The following CABIN1 variants were observed in gnomAD, a reference collection of about 807,000 sequenced individuals.
CABIN1 encodes the protein calcineurin-binding protein cabin-1.
Under a neutral mutation model 227.7 loss-of-function variants are expected in CABIN1, and 133 were observed. That is an observed-to-expected ratio of 0.58 (90% CI 0.51 to 0.67). The LOEUF is 0.67. CABIN1 is among the 30% of genes least tolerant of loss of function. The probability of loss-of-function intolerance (pLI) is 0.00; values close to 1 mark genes in which losing one functional copy is unlikely to be tolerated. For missense variants in CABIN1, 2,408 were observed against 2,852.5 expected, an observed-to-expected ratio of 0.84 and a Z score of 3.55; for synonymous variants, 1,086 against 1,155.1, an observed-to-expected ratio of 0.94 and a Z score of 1.21.
intron 26 of CABIN1, among the ~76,000 whole-genome samples, chr22:24,099,912 G>C (rs2042106303): frequency 6.6e-6 from 1 of 152,234 alleles, no homozygotes; most frequent in South Asian, 2.1e-4. Flanking sequence ...AAGCAGGAAA[G>C]GAGGGAGGCA....
At chr22:24,130,014 C>T (rs1569258209) in intron 28 of CABIN1, among the ~76,000 whole-genome samples, 1 of 152,226 alleles carries the variant, frequency 6.6e-6, no homozygotes, top group African/African-American at 2.4e-5. Context: ...AGATAGTAGG[C>T]AAGGGAGGAC....
intron 8 of CABIN1, among the ~76,000 whole-genome samples, chr22:24,053,078 CT>C (rs71184943): frequency 0.017 from 2,201 of 131,202 alleles, 8 homozygotes; most frequent in Middle Eastern, 0.031. Context: ...TTTCTTTTTT[CT>C]TTTTTTTTTT....
At chr22:24,072,594 A>G (rs1384739200) in intron 18 of CABIN1, 84 bp downstream of exon 18, 1 of 1,522,850 alleles carries the variant, frequency 6.6e-7, no homozygotes, top group African/African-American at 1.4e-5. Context: ...CCTGGACCTT[A>G]TCCAGACGTT....
Position 24,064,148 on chromosome 22 carries a change from G to T in CABIN1, c.1998G>T (p.Leu666=), listed in dbSNP as rs961379189. The change falls in exon 15 of 37, where the codon CTG becomes CTT. Residue 666 remains leucine, a synonymous_variant. Transcript: ENST00000263119. The part of the protein sequence containing the change: ...GAERRDIVIR[L]PNLHNDSVVS... ...AACGAAGAGACATTGTCATCCGGCTGCCCAACCTCCATAATGACTCTGTGG... is the reference window on the plus strand; with the variant it reads ...AACGAAGAGACATTGTCATCCGGCTTCCCAACCTCCATAATGACTCTGTGG... The T allele has an allele frequency of 9.3e-6, 15 of 1,614,208 alleles. No homozygotes were observed. The highest frequency in any genetic ancestry group is 3.3e-5 in the Admixed American group (2 of 60,020).
chr22:24,101,059 G>T (rs558904017), intron 26 of CABIN1, among the ~76,000 whole-genome samples: 73 of 152,300 alleles, frequency 4.8e-4, no homozygotes, highest in Non-Finnish European at 9.4e-4. Context: ...GTCCTCTGAA[G>T]CAGCAGCTCC....
At chr22:24,076,873 G>A (rs1041033693) in intron 19 of CABIN1, among the ~76,000 whole-genome samples, 22 of 152,136 alleles carry the variant, frequency 1.4e-4, no homozygotes, top group Non-Finnish European at 2.9e-4. Flanking sequence ...AGGCCAAGCA[G>A]CATGCAGACC....
intron 26 of CABIN1, among the ~76,000 whole-genome samples, chr22:24,110,018 A>C (rs1466646391): frequency 4.6e-5 from 7 of 152,178 alleles, no homozygotes. Context: ...AAAAATAAAA[A>C]AGATTAGCTG....
chr22:24,084,240 ATTT>A (rs987224344), intron 20 of CABIN1, among the ~76,000 whole-genome samples: 1 of 140,634 alleles, frequency 7.1e-6, no homozygotes. Flanking sequence ...GGGCATGCAG[ATTT>A]TTTTTTTTTT....
chr22:24,099,106 T>G (rs1392476644), intron 26 of CABIN1, among the ~76,000 whole-genome samples: 1 of 152,170 alleles, frequency 6.6e-6, no homozygotes, highest in African/African-American at 2.4e-5. Flanking sequence ...GGCACCATGG[T>G]AGCCTTGAAG....
intron 22 of CABIN1, 29 bp downstream of exon 22, chr22:24,085,180 G>A: frequency 6.2e-7 from 1 of 1,613,772 alleles, no homozygotes; most frequent in Non-Finnish European, 8.5e-7. Context: ...AGGCTAGGCT[G>A]GCTGCAGGGA....
chr22:24,035,022 C>T lies in CABIN1; in HGVS notation c.-74-422C>T, dbSNP rs58914661. ...TCTCCCTGCCTCTTTGCTTCACTGT[C>T]TTCCACTGCAGTGTATTCCATTCTT... On this transcript the variant is annotated intron_variant, in intron 1 of 36. Coordinates refer to ENST00000263119, the MANE Select transcript of CABIN1 (RefSeq NM_012295.4). 3.5e-4 allele frequency among the ~76,000 whole-genome samples: 53 copies of T among 152,312 alleles called. No homozygotes were observed. The East Asian group carries it at 8.7e-3, about 25-fold the overall frequency.
chr22:24,011,957 C>T (rs1221118319), intron 1 of CABIN1, among the ~76,000 whole-genome samples: 2 of 152,172 alleles, frequency 1.3e-5, no homozygotes, highest in Non-Finnish European at 2.9e-5. Flanking sequence ...CTCTTCAGGA[C>T]CTGGGTTATT....
Position 24,035,446 on chromosome 22 carries a change from G to C in CABIN1, c.-72G>C. The C allele has an allele frequency of 6.2e-7, 1 of 1,601,874 alleles. No individual in the cohort carries two copies. Among genetic ancestry groups the C allele is most frequent in the Non-Finnish European group, 8.6e-7 (1 of 1,168,942 alleles). On this transcript the variant is annotated splice_region_variant and 5_prime_UTR_variant, in exon 2 of 37. Coordinates refer to ENST00000263119, the MANE Select transcript of CABIN1 (RefSeq NM_012295.4). ...AGTTTGTCCTATTTCCTTTCTAGGA[G>C]AGTTGTGGACTGGGGCAACCTTTGC... is the stretch of plus-strand genomic sequence containing the variant.
At chr22:24,063,262 G>C in intron 14 of CABIN1, 116 bp downstream of exon 14, 1 of 1,065,404 alleles carries the variant, frequency 9.4e-7, no homozygotes, top group East Asian at 2.4e-5. Context: ...GTGTGTGCAT[G>C]CATGTGTACA....
chr22:24,088,462 G>A lies in CABIN1; in HGVS notation c.3525+749G>A, dbSNP rs183578962. 2.1e-3 allele frequency among the ~76,000 whole-genome samples: 315 copies of A among 152,190 alleles called. 1 individual carries two copies. Among genetic ancestry groups the A allele is most frequent in the Non-Finnish European group, 3.0e-3 (202 of 68,008 alleles). The stretch of plus-strand genomic sequence containing the variant: ...ATCTCTACTAAAAATACAAAAATTA[G>A]CCAGGCATGGTGGTGCATGCCTGTT... On this transcript the variant is annotated intron_variant, in intron 23 of 36. Coordinates refer to ENST00000263119, the MANE Select transcript of CABIN1 (RefSeq NM_012295.4).
At position 24,014,989 on chromosome 22, in the gene CABIN1, C is replaced by T. The variant is rs149020239; in HGVS notation, c.-75+3622C>T. On this transcript the variant is annotated intron_variant, in intron 1 of 36. Coordinates refer to ENST00000263119, the MANE Select transcript of CABIN1 (RefSeq NM_012295.4). ...ACTTAATAGTATGTTTTAGGCCAGG[C>T]GTGGTGGCTCATGCCTGTAATCCCA... Among the ~76,000 whole-genome samples, 916 of 152,106 alleles carry T rather than the reference C, an allele frequency of 6.0e-3. 9 individuals carry two copies. The highest frequency in any genetic ancestry group is 0.021 in the African/African-American group (880 of 41,480).
Position 24,091,687 on chromosome 22 carries a change from C to T in CABIN1, c.3630C>T (p.Tyr1210=). The T allele has an allele frequency of 6.2e-7, 1 of 1,614,208 alleles. No homozygotes were observed. The highest frequency in any genetic ancestry group is 1.1e-5 in the South Asian group (1 of 91,082). The part of the protein sequence containing the change: ...DGDEEEWLIH[Y]MLGKVAEKQQ... ...ACGAGGAGGAGTGGCTCATCCACTA[C>T]ATGCTGGGCAAGGTGGCTGAGAAGC... Residue 1210 remains tyrosine (Y), a synonymous_variant, in exon 24 of 37, where the codon TAC becomes TAT. Transcript: ENST00000263119.
rs553443541 is a variant in CABIN1, at chr22:24,060,054, C to T, written c.1530C>T (p.Val510=). The change falls in exon 12 of 37, where the codon GTC becomes GTT. Residue 510 remains valine, a synonymous_variant. Transcript: ENST00000263119. The part of the protein sequence containing the change: ...LVRWPPGLAE[V]VLSVYHSWRR... ...GGTGGCCTCCAGGCTTGGCGGAGGTCGTGCTCAGCGTCTACCACAGCTGGA... is the reference window on the plus strand; with the variant it reads ...GGTGGCCTCCAGGCTTGGCGGAGGTTGTGCTCAGCGTCTACCACAGCTGGA... 68 of 1,614,122 alleles carry T rather than the reference C, an allele frequency of 4.2e-5. No individual in the cohort carries two copies. Among genetic ancestry groups the T allele is most frequent in the East Asian group, 6.7e-5 (3 of 44,876 alleles).
At chr22:24,019,650 CTTTTTTTT>C (rs34361694) in intron 1 of CABIN1, among the ~76,000 whole-genome samples, 11 of 87,030 alleles carry the variant, frequency 1.3e-4, no homozygotes, top group African/African-American at 4.7e-4. Context: ...TTTCTTTACC[CTTTTTTTT>C]TTTTTTTTTT....
Sources: gnomAD v4.1 joint callset for allele counts (sites outside exome capture counted in the v4.1 genomes callset) on GRCh38, gnomAD v4.1.1 for gene constraint, MANE v1.5 for transcripts, NCBI Gene and HGNC (gene_info 2026-07-23, HGNC 2026-07-21) for gene names.